The following LRP1B variants were observed in gnomAD, a reference collection of about 807,000 sequenced individuals.
LRP1B encodes the protein low-density lipoprotein receptor-related protein 1B.
LRP1B carries 217 observed loss-of-function variants against 556.6 expected under a neutral mutation model. The observed-to-expected ratio is 0.39, with a 90% CI of 0.35 to 0.44. The LOEUF (loss-of-function observed/expected upper bound fraction) is 0.44, where lower values mean the gene tolerates loss of function less well. Ranked by LOEUF, LRP1B falls within the 20% of genes least tolerant of loss-of-function variation. The pLI, the probability that LRP1B is intolerant of heterozygous loss-of-function variation, is 1.00. For missense variants in LRP1B, 5,053 were observed against 5,620.8 expected (o/e 0.90, Z 3.23); for synonymous variants, 2,047 against 1,865.8 (o/e 1.10, Z -2.50).
intron 41 of LRP1B, among the ~76,000 whole-genome samples, chr2:140,623,540 A>G (rs1366572392): frequency 6.6e-6 from 1 of 152,166 alleles, no homozygotes; most frequent in African/African-American, 2.4e-5. Flanking sequence ...GGTCAAAGTA[A>G]TCATCTGAAA....
At chr2:141,221,319 T>C (rs1573672814) in intron 6 of LRP1B, among the ~76,000 whole-genome samples, 3 of 146,512 alleles carry the variant, frequency 2.0e-5, no homozygotes, top group Middle Eastern at 3.6e-3. Context: ...CCAAAGGGCA[T>C]TACATAATGG....
intron 2 of LRP1B, among the ~76,000 whole-genome samples, chr2:141,712,411 ATT>A (rs1692396893): frequency 2.0e-5 from 3 of 152,102 alleles, no homozygotes; most frequent in Non-Finnish European, 4.4e-5. Flanking sequence ...AGACCTAGTT[ATT>A]AATTATATAA....
intron 11 of LRP1B, among the ~76,000 whole-genome samples, chr2:141,045,717 T>G (rs187422905): frequency 6.6e-6 from 1 of 152,096 alleles, no homozygotes; most frequent in African/African-American, 2.4e-5. Flanking sequence ...TACTGAAGCA[T>G]TCCTATCACC....
At chr2:140,670,489 A>T (rs1685439334) in intron 41 of LRP1B, among the ~76,000 whole-genome samples, 1 of 152,152 alleles carries the variant, frequency 6.6e-6, no homozygotes, top group South Asian at 2.1e-4. Flanking sequence ...AAATGCTAAA[A>T]CTAGAAGGAC....
At chr2:140,714,296 A>C (rs1206789888) in intron 37 of LRP1B, among the ~76,000 whole-genome samples, 1 of 152,090 alleles carries the variant, frequency 6.6e-6, no homozygotes, top group Non-Finnish European at 1.5e-5. Flanking sequence ...AATAAACGTT[A>C]ATTGAATAAA....
At chr2:141,087,745 T>C (rs1446882028) in intron 7 of LRP1B, among the ~76,000 whole-genome samples, 1 of 152,154 alleles carries the variant, frequency 6.6e-6, no homozygotes, top group African/African-American at 2.4e-5. Context: ...GAAGGGCAAG[T>C]AGGAGTTTGC....
chr2:140,524,384 T>G (rs764675083), intron 49 of LRP1B, among the ~76,000 whole-genome samples: 17 of 151,954 alleles, frequency 1.1e-4, no homozygotes, highest in Non-Finnish European at 2.4e-4. Context: ...GAGTGTAAAT[T>G]AGTTCAGCCC....
At chr2:141,234,301 T>C (rs1320197448) in intron 5 of LRP1B, among the ~76,000 whole-genome samples, 1 of 152,224 alleles carries the variant, frequency 6.6e-6, no homozygotes, top group South Asian at 2.1e-4. Flanking sequence ...TTAACACTTA[T>C]GTAAGAAGTG....
At chr2:141,727,444 C>T (rs1190070679) in intron 2 of LRP1B, among the ~76,000 whole-genome samples, 1 of 152,192 alleles carries the variant, frequency 6.6e-6, no homozygotes, top group African/African-American at 2.4e-5. Flanking sequence ...GTCTGACTCA[C>T]TATCCAACCT....
intron 1 of LRP1B, among the ~76,000 whole-genome samples, chr2:142,078,299 A>G (rs972885508): frequency 6.6e-6 from 1 of 152,142 alleles, no homozygotes; most frequent in African/African-American, 2.4e-5. Flanking sequence ...TGCTTATGCT[A>G]TACTTCTTAC....
intron 35 of LRP1B, among the ~76,000 whole-genome samples, chr2:140,739,587 C>T (rs1471974137): frequency 1.3e-5 from 2 of 152,100 alleles, no homozygotes; most frequent in Non-Finnish European, 2.9e-5. Flanking sequence ...TACTGAGTTT[C>T]TTATCATGTT....
intron 7 of LRP1B, among the ~76,000 whole-genome samples, chr2:141,182,196 T>C (rs896959430): frequency 2.0e-5 from 3 of 152,020 alleles, no homozygotes; most frequent in Non-Finnish European, 4.4e-5. Flanking sequence ...AATAAGGAAT[T>C]GGGATACATA....
In LRP1B at chr2:140,336,387, CTT is replaced by C. The variant is rs35091865; in HGVS notation, c.11893-551_11893-550del. Among the ~76,000 whole-genome samples the C allele has an allele frequency of 5.7e-3, 835 of 147,370 alleles. 3 individuals carry two copies. The highest frequency in any genetic ancestry group is 0.013 in the African/African-American group (526 of 40,246). ...AACTAAAGTTATGGATAGTTTAGTA[CTT>C]TTTTTTTTTTTGATGGATACAAACA... On this transcript the variant is annotated intron_variant, in intron 77 of 90. Transcript: ENST00000389484.
chr2:140,240,519 C>T (rs761135484), intron 87 of LRP1B, among the ~76,000 whole-genome samples: 2 of 148,034 alleles, frequency 1.4e-5, no homozygotes, highest in Non-Finnish European at 3.0e-5. Flanking sequence ...CAGGAGAATA[C>T]ACCCAAATAT....
chr2:141,314,328 A>G (rs956960477), intron 3 of LRP1B, among the ~76,000 whole-genome samples: 1 of 152,196 alleles, frequency 6.6e-6, no homozygotes, highest in Non-Finnish European at 1.5e-5. Context: ...AAATGCAATT[A>G]CATAATTTCA....
At chr2:141,134,615 GA>G (rs1053530127) in intron 7 of LRP1B, among the ~76,000 whole-genome samples, 9 of 146,770 alleles carry the variant, frequency 6.1e-5, no homozygotes, top group Non-Finnish European at 7.5e-5. Context: ...TCATTAAATG[GA>G]AAAAAAAAGT....
Position 140,923,180 on chromosome 2 carries a change from G to T in LRP1B, c.3137-33C>A, listed in dbSNP as rs200808579. The T allele has an allele frequency of 7.1e-6, 11 of 1,543,896 alleles. No individual in the cohort carries two copies. In the East Asian group the frequency reaches 2.3e-4, roughly 32 times the overall value. On this transcript the variant is annotated intron_variant, in intron 20 of 90. Coordinates refer to ENST00000389484, the MANE Select transcript of LRP1B (RefSeq NM_018557.3). ...TGAAATGAGGAAGAGAGAAGCAGAG[G>T]GGGGCAAGACAGGAGAGAAATTATG...
At chr2:141,294,731 T>G (rs972472498) in intron 3 of LRP1B, among the ~76,000 whole-genome samples, 4 of 100,112 alleles carry the variant, frequency 4.0e-5, no homozygotes, top group African/African-American at 1.1e-4. Flanking sequence ...CAGAATGAGA[T>G]TCTGTCTCAA....
At chr2:141,461,409 C>T (rs1681866304) in intron 3 of LRP1B, among the ~76,000 whole-genome samples, 1 of 151,940 alleles carries the variant, frequency 6.6e-6, no homozygotes, top group Non-Finnish European at 1.5e-5. Context: ...CTGCAGTATG[C>T]TTAATAGAGA....
Sources: gnomAD v4.1 joint callset for allele counts (sites outside exome capture counted in the v4.1 genomes callset) on GRCh38, gnomAD v4.1.1 for gene constraint, MANE v1.5 for transcripts, NCBI Gene and HGNC (gene_info 2026-07-23, HGNC 2026-07-21) for gene names.